SUFU: variants seen among roughly 807,000 people sequenced by gnomAD.
SUFU encodes the protein SUFU negative regulator of hedgehog signaling.
SUFU carries 7 observed loss-of-function variants against 58.9 expected under a neutral mutation model. The ratio of observed to expected loss-of-function variants is 0.12; its 90% CI spans 0.07 to 0.22. The LOEUF (loss-of-function observed/expected upper bound fraction) is 0.22. SUFU is among the 10% of genes least tolerant of loss of function. SUFU has a pLI of 1.00. For synonymous variants in SUFU, 232 were observed against 254.8 expected (o/e 0.91, Z 0.85); for missense variants, 451 against 641.3 (o/e 0.70, Z 3.20).
intron 11 of SUFU, 35 bp from the exon 12 acceptor site, chr10:102,630,031 C>G (rs1564712452): frequency 1.9e-6 from 3 of 1,591,900 alleles, no homozygotes; most frequent in Non-Finnish European, 2.6e-6. Context: ...CTGCTAACCA[C>G]TCACACTCCT....
chr10:102,566,717 A>G (rs1461202211), intron 3 of SUFU, among the ~76,000 whole-genome samples: 1 of 150,104 alleles, frequency 6.7e-6, no homozygotes, highest in Non-Finnish European at 1.5e-5. Flanking sequence ...GTGAGCCGAG[A>G]TTATGCCATT....
At chr10:102,576,026 T>G (rs911245206) in intron 3 of SUFU, among the ~76,000 whole-genome samples, 6 of 142,286 alleles carry the variant, frequency 4.2e-5, no homozygotes, top group African/African-American at 1.3e-4. Context: ...TTTTTTTTTT[T>G]GTAGAGATGG....
intron 2 of SUFU, among the ~76,000 whole-genome samples, chr10:102,548,243 C>A (rs2062874590): frequency 6.6e-6 from 1 of 152,174 alleles, no homozygotes; most frequent in African/African-American, 2.4e-5. Context: ...TCTAATGATA[C>A]CTTTTCAGTC....
chr10:102,578,578 C>T (rs1432760556), intron 3 of SUFU, among the ~76,000 whole-genome samples: 1 of 151,740 alleles, frequency 6.6e-6, no homozygotes, highest in Non-Finnish European at 1.5e-5. Flanking sequence ...CATGGTGGCG[C>T]GTGCCTATAG....
At chr10:102,554,372 C>CGAG (rs1267510107) in intron 3 of SUFU, among the ~76,000 whole-genome samples, 1 of 152,136 alleles carries the variant, frequency 6.6e-6, no homozygotes, top group Admixed American at 6.6e-5. Context: ...CATTGCACTC[C>CGAG]AGCTTGGGCA....
Position 102,599,521 on chromosome 10 carries a change from T to C in SUFU, c.999T>C (p.Asn333=). 1 of 1,614,182 alleles carries C rather than the reference T, an allele frequency of 6.2e-7. No homozygotes were observed. The highest frequency in any genetic ancestry group is 8.5e-7 in the Non-Finnish European group (1 of 1,180,020). The part of the protein sequence containing the change: ...VLPPINPQRQ[N]GLAHDRAPSR... ...CACCAATCAACCCTCAGCGGCAGAA[T>C]GGCCTCGCCCACGACCGGGCCCCGT... Residue 333 remains asparagine, a synonymous_variant, in exon 8 of 12, where the codon AAT becomes AAC. Transcript: ENST00000369902.
At position 102,617,219 on chromosome 10, in the gene SUFU, T is replaced by C. The variant is rs1163906973; in HGVS notation, c.1158-71T>C. 1 of 1,608,850 alleles carries C rather than the reference T, an allele frequency of 6.2e-7. No individual in the cohort carries two copies. Among genetic ancestry groups the C allele is most frequent in the African/African-American group, 1.3e-5 (1 of 74,850 alleles). ...CATAGTCCCCACTGTCCCAGAGCCT[T>C]GGCCAGGCCTGCTGTGCTTGGAACT... On this transcript the variant is annotated intron_variant, in intron 9 of 11. Coordinates refer to ENST00000369902, the MANE Select transcript of SUFU (RefSeq NM_016169.4). The surrounding 1 kb of genome is among the most constrained non-coding windows in gnomAD (Gnocchi z 4.4).
chr10:102,552,642 T>C (rs2062931579), intron 3 of SUFU, among the ~76,000 whole-genome samples: 1 of 152,236 alleles, frequency 6.6e-6, no homozygotes, highest in African/African-American at 2.4e-5. Flanking sequence ...AATAGTACTG[T>C]ATGTGAAATT....
intron 3 of SUFU, among the ~76,000 whole-genome samples, chr10:102,570,253 A>T (rs2063146709): frequency 4.0e-5 from 6 of 151,658 alleles, no homozygotes; most frequent in Admixed American, 1.3e-4. Context: ...TTATTTATTT[A>T]TTTATTGAGA....
chr10:102,546,403 G>T (rs11191330), intron 2 of SUFU, among the ~76,000 whole-genome samples: 53,024 of 152,094 alleles, frequency 0.35, 9,410 homozygotes, highest in African/African-American at 0.39. Flanking sequence ...ACTGGCCCCA[G>T]TTACCACCAG....
At chr10:102,566,772 A>G (rs1340310940) in intron 3 of SUFU, among the ~76,000 whole-genome samples, 1 of 148,028 alleles carries the variant, frequency 6.8e-6, no homozygotes, top group East Asian at 2.0e-4. Flanking sequence ...CTCAAAAAAA[A>G]AAAAAAAAAA....
At position 102,629,027 on chromosome 10, in the gene SUFU, A is replaced by G. The variant is rs1222617086; in HGVS notation, c.1366-1039A>G. The stretch of plus-strand genomic sequence containing the variant: ...AATAATTAGCCGGGCTTGGTGGTGC[A>G]TGCCTGTAATCTCAGCTACTCGGGA... On this transcript the variant is annotated intron_variant, in intron 11 of 11. Transcript: ENST00000369902. The surrounding 1 kb of genome is among the most constrained non-coding windows in gnomAD (Gnocchi z 4.7). Among the ~76,000 whole-genome samples, 1 of 152,162 alleles carries G rather than the reference A, an allele frequency of 6.6e-6. No individual in the cohort carries two copies. Among genetic ancestry groups the G allele is most frequent in the Non-Finnish European group, 1.5e-5 (1 of 68,016 alleles).
At chr10:102,515,903 G>A (rs1198333903) in intron 2 of SUFU, among the ~76,000 whole-genome samples, 1 of 152,118 alleles carries the variant, frequency 6.6e-6, no homozygotes, top group African/African-American at 2.4e-5. Context: ...ATTTGCATGA[G>A]ATGGTGGAGT....
intron 2 of SUFU, among the ~76,000 whole-genome samples, chr10:102,519,322 C>T (rs936549534): frequency 3.3e-5 from 5 of 151,416 alleles, no homozygotes; most frequent in African/African-American, 4.9e-5. Flanking sequence ...GTCGGGAGTT[C>T]GAGACCGACC....
chr10:102,536,509 G>A (rs1037920912), intron 2 of SUFU, among the ~76,000 whole-genome samples: 25 of 149,394 alleles, frequency 1.7e-4, no homozygotes, highest in Non-Finnish European at 3.1e-4. Flanking sequence ...GACTACAGGC[G>A]CCTGCCACTA....
At chr10:102,597,362 T>C in intron 7 of SUFU, 69 bp downstream of exon 7, 2 of 1,546,182 alleles carry the variant, frequency 1.3e-6, no homozygotes, top group Non-Finnish European at 1.7e-6. Context: ...GTTTCCAGTC[T>C]CTCTAGGATG....
chr10:102,615,743 A>G (rs1457421487), intron 9 of SUFU, among the ~76,000 whole-genome samples: 1 of 152,140 alleles, frequency 6.6e-6, no homozygotes, highest in African/African-American at 2.4e-5. Context: ...CTAGGTGGTG[A>G]GAAGTCTGCC....
intron 7 of SUFU, 136 bp downstream of exon 7, chr10:102,597,429 C>A: frequency 1.7e-6 from 2 of 1,176,846 alleles, no homozygotes; most frequent in Non-Finnish European, 2.3e-6. Flanking sequence ...ATTTAAACAG[C>A]AAGTGAAGTC....
chr10:102,615,313 T>A lies in SUFU; in HGVS notation c.1068T>A (p.Ile356=), dbSNP rs2063673886. The change falls in exon 9 of 12, where the codon ATT becomes ATA. Residue 356 remains isoleucine (I), a synonymous_variant. Transcript: ENST00000369902. ...AAAGTGACAGCTCCACGGCCATCATTCCCCATGAGCTGATTCGCACGCGGC... is the reference window on the plus strand; with the variant it reads ...AAAGTGACAGCTCCACGGCCATCATACCCCATGAGCTGATTCGCACGCGGC... ...SLESDSSTAI[I]PHELIRTRQL... 6.2e-7 allele frequency: 1 copy of A among 1,614,042 alleles called. No individual in the cohort carries two copies. Among genetic ancestry groups the A allele is most frequent in the Non-Finnish European group, 8.5e-7 (1 of 1,179,996 alleles).
Sources: allele counts gnomAD v4.1 joint callset (sites outside exome capture counted in the v4.1 genomes callset), GRCh38; gene constraint gnomAD v4.1.1; non-coding constraint Gnocchi (gnomAD v3.1); transcripts MANE v1.5; gene names NCBI Gene and HGNC (gene_info 2026-07-23, HGNC 2026-07-21).